The following ADGRG7 variants were observed in gnomAD, a reference collection of about 807,000 sequenced individuals.
ADGRG7 encodes the protein G-protein coupled receptor 128.
Under a neutral mutation model 88.6 loss-of-function variants are expected in ADGRG7, and 82 were observed. The ratio of observed to expected loss-of-function variants is 0.93; its 90% confidence interval spans 0.77 to 1.11. The LOEUF (loss-of-function observed/expected upper bound fraction) is 1.11, where lower values mean the gene tolerates loss of function less well. ADGRG7 is among the 50% of genes most tolerant of loss of function. The pLI is 0.00. For synonymous variants in ADGRG7, 381 were observed against 345.2 expected (o/e 1.10, Z -1.15); for missense variants, 945 against 953.4 (o/e 0.99, Z 0.12).
At chr3:100,668,866 C>G in intron 14 of ADGRG7, 83 bp from the exon 15 acceptor site, 2 of 967,750 alleles carry the variant, frequency 2.1e-6, no homozygotes, top group Non-Finnish European at 3.0e-6. Flanking sequence ...GCTGAATATA[C>G]ATTCTAAATA....
At chr3:100,645,818 G>A in intron 8 of ADGRG7, 127 bp from the exon 9 acceptor site, 1 of 807,336 alleles carries the variant, frequency 1.2e-6, no homozygotes, top group Non-Finnish European at 1.9e-6. Flanking sequence ...GGTTCAACCA[G>A]TAAACCATTT....
chr3:100,629,474 GA>G, intron 1 of ADGRG7, 123 bp from the exon 2 acceptor site: 1 of 625,158 alleles, frequency 1.6e-6, no homozygotes, highest in Non-Finnish European at 2.9e-6. Flanking sequence ...ATATTACAAA[GA>G]ATATTTCTCA....
intron 6 of ADGRG7, among the ~76,000 whole-genome samples, chr3:100,642,669 C>T (rs80077437): frequency 6.6e-6 from 1 of 152,202 alleles, no homozygotes; most frequent in Non-Finnish European, 1.5e-5. Context: ...GTTGCCCCCA[C>T]TCCCTCCCAC....
chr3:100,650,038 G>A (rs1367317689), intron 11 of ADGRG7, among the ~76,000 whole-genome samples: 4 of 152,108 alleles, frequency 2.6e-5, no homozygotes, highest in Non-Finnish European at 4.4e-5. Context: ...TTATTTACAA[G>A]TTTGTCATGT....
chr3:100,675,819 C>T (rs991709160), intron 15 of ADGRG7, among the ~76,000 whole-genome samples: 2 of 152,112 alleles, frequency 1.3e-5, no homozygotes, highest in Non-Finnish European at 2.9e-5. Flanking sequence ...TGTATTTCTT[C>T]ATGATTCAAT....
intron 1 of ADGRG7, among the ~76,000 whole-genome samples, chr3:100,621,843 G>A (rs1043631554): frequency 1.1e-4 from 16 of 152,142 alleles, no homozygotes; most frequent in Non-Finnish European, 1.5e-5. Context: ...ACAAACATCT[G>A]GCTCCAAACT....
chr3:100,678,910 A>T (rs2094969185), intron 15 of ADGRG7, among the ~76,000 whole-genome samples: 1 of 152,202 alleles, frequency 6.6e-6, no homozygotes, highest in Non-Finnish European at 1.5e-5. Flanking sequence ...TCAGAACTAC[A>T]GCCAGAACAG....
At chr3:100,640,625 A>C (rs780277750) in intron 6 of ADGRG7, among the ~76,000 whole-genome samples, 4 of 152,048 alleles carry the variant, frequency 2.6e-5, no homozygotes, top group Non-Finnish European at 5.9e-5. Flanking sequence ...AAGTTCAAGC[A>C]ATTCTCCTGT....
intron 15 of ADGRG7, among the ~76,000 whole-genome samples, chr3:100,685,298 A>T (rs2094980201): frequency 6.6e-6 from 1 of 152,218 alleles, no homozygotes; most frequent in African/African-American, 2.4e-5. Context: ...TCTATAGACG[A>T]ACGGAAATTT....
intron 10 of ADGRG7, among the ~76,000 whole-genome samples, chr3:100,649,061 G>A (rs1247080287): frequency 1.3e-5 from 2 of 152,088 alleles, no homozygotes; most frequent in Non-Finnish European, 2.9e-5. Context: ...CATCAATTTA[G>A]ATATACTTAG....
At position 100,629,677 on chromosome 3, in the gene ADGRG7, T is replaced by C; in HGVS notation, c.195T>C (p.Cys65=). 1.2e-6 allele frequency: 2 copies of C among 1,613,006 alleles called. No individual in the cohort carries two copies. The highest frequency in any genetic ancestry group is 1.7e-6 in the Non-Finnish European group (2 of 1,179,124). The change falls in exon 2 of 16, where the codon TGT becomes TGC. Residue 65 remains cysteine (C), a synonymous_variant. Coordinates refer to ENST00000273352, the MANE Select transcript of ADGRG7 (RefSeq NM_032787.3). ...CCTGGGAAAATGGCAGATGTATTTG[T>C]ACAGAAGAGTGGAAAGGACTGAGAT... ...GGTWENGRCI[C]TEEWKGLRCT...
intron 1 of ADGRG7, among the ~76,000 whole-genome samples, chr3:100,616,428 A>T (rs572034595): frequency 2.6e-5 from 4 of 152,344 alleles, no homozygotes; most frequent in Non-Finnish European, 5.9e-5. Context: ...TAAAAAGAAT[A>T]GGAGAATTTG....
chr3:100,692,895 C>A (rs543862253), intron 15 of ADGRG7, among the ~76,000 whole-genome samples: 1 of 152,092 alleles, frequency 6.6e-6, no homozygotes, highest in Non-Finnish European at 1.5e-5. Flanking sequence ...TAAACAAGGA[C>A]CTCAGGTGAT....
chr3:100,670,842 G>A (rs1232734875), intron 15 of ADGRG7, among the ~76,000 whole-genome samples: 1 of 152,106 alleles, frequency 6.6e-6, no homozygotes, highest in Non-Finnish European at 1.5e-5. Flanking sequence ...TTAGTTTGCT[G>A]AGAATGATGG....
intron 15 of ADGRG7, among the ~76,000 whole-genome samples, chr3:100,691,722 G>C (rs1010511068): frequency 1.9e-4 from 15 of 77,314 alleles, no homozygotes; most frequent in African/African-American, 5.0e-4. Context: ...CTTTTGTGGT[G>C]ATGACTTTCA....
Position 100,662,063 on chromosome 3 carries a change from T to C in ADGRG7, c.1979+2220T>C, listed in dbSNP as rs548298448. 5.9e-5 allele frequency among the ~76,000 whole-genome samples: 9 copies of C among 152,300 alleles called. No individual in the cohort carries two copies. The South Asian group carries it at 1.2e-3, about 21-fold the overall frequency. On this transcript the variant is annotated intron_variant, in intron 14 of 15. Transcript: ENST00000273352. ...GCATTTAAACTTTTATGAAAATATC[T>C]ATTCATCACTAGTCCACATATGGAT...
rs560525090 is a variant in ADGRG7, at chr3:100,657,151, A to G, written c.1823+1156A>G. 9.1e-4 allele frequency among the ~76,000 whole-genome samples: 139 copies of G among 152,322 alleles called. 1 individual carries two copies. Among genetic ancestry groups the G allele is most frequent in the African/African-American group, 3.2e-3 (135 of 41,570 alleles). On this transcript the variant is annotated intron_variant, in intron 13 of 15. Coordinates refer to ENST00000273352, the MANE Select transcript of ADGRG7 (RefSeq NM_032787.3). ...ATTACGGTGTTAGTTGTTGGGGAAG[A>G]TACGAGGCAACTGATAATAAGAGAA...
rs911821307 is a variant in ADGRG7 at position 100,630,688 on chromosome 3, T to G, written c.230-17T>G. 1.7e-6 allele frequency: 2 copies of G among 1,207,888 alleles called. No homozygotes were observed. Among genetic ancestry groups the G allele is most frequent in the Non-Finnish European group, 2.2e-6 (2 of 908,490 alleles). The allele number at this position is 1,207,888 out of a possible 1,614,324, so 74.8% of individuals were successfully genotyped here. A position where few individuals can be genotyped will look rare whatever the true frequency, so the allele number is the denominator to read the frequency against. On this transcript the variant is annotated splice_polypyrimidine_tract_variant and intron_variant, in intron 2 of 15. Coordinates refer to ENST00000273352, the MANE Select transcript of ADGRG7 (RefSeq NM_032787.3). Reference sequence around the variant, plus strand: ...AAAATACAATTTATAATAAAGAACTTTTTCTCTTTATTACAGCTAATTTTT... The same window carrying G: ...AAAATACAATTTATAATAAAGAACTGTTTCTCTTTATTACAGCTAATTTTT...
chr3:100,694,412 G>C (rs1280774197), intron 15 of ADGRG7, among the ~76,000 whole-genome samples: 1 of 152,140 alleles, frequency 6.6e-6, no homozygotes, highest in Non-Finnish European at 1.5e-5. Flanking sequence ...GAAGAATTAG[G>C]TATTTCATAG....
Sources: gnomAD v4.1 joint callset for allele counts (sites outside exome capture counted in the v4.1 genomes callset) on GRCh38, gnomAD v4.1.1 for gene constraint, MANE v1.5 for transcripts, NCBI Gene and HGNC (gene_info 2026-07-23, HGNC 2026-07-21) for gene names.